Variants in ZFX observed in about 807,000 individuals in gnomAD.
ZFX encodes zinc finger X-chromosomal protein.
For missense variants in ZFX, 362 were observed against 628.3 expected, an observed-to-expected ratio of 0.58 and a Z score of 4.53; for synonymous variants, 196 against 226.8, an observed-to-expected ratio of 0.86 and a Z score of 1.22.
chrX:24,205,621 G>A (rs1371849164), intron 5 of ZFX, among the ~76,000 whole-genome samples: 1 of 112,049 alleles, frequency 8.9e-6, no homozygotes, highest in African/African-American at 3.2e-5. Flanking sequence ...TTGGGAGGCC[G>A]AGGTGGGTGG....
intron 7 of ZFX, 94 bp downstream of exon 7, chrX:24,207,949 A>G: frequency 9.7e-7 from 1 of 1,026,298 alleles, no homozygotes; most frequent in Non-Finnish European, 1.3e-6. Flanking sequence ...TTTAGAGATT[A>G]TTATGCTACT....
At chrX:24,163,786 C>T (rs919043260) in intron 3 of ZFX, among the ~76,000 whole-genome samples, 4 of 98,908 alleles carry the variant, frequency 4.0e-5, no homozygotes, top group African/African-American at 7.7e-5. Flanking sequence ...CTTCCCAAAG[C>T]GCTGGGATTA....
chrX:24,179,585 A>G lies in ZFX; in HGVS notation c.461A>G (p.Glu154Gly), dbSNP rs1935489777. 8.3e-7 allele frequency: 1 copy of G among 1,211,523 alleles called. No homozygotes were observed. The highest frequency in any genetic ancestry group is 1.1e-6 in the Non-Finnish European group (1 of 895,118). Residue 154 changes from glutamate (E) to glycine (G), a missense_variant, in exon 5 of 10, where the codon GAA becomes GGA. By Grantham distance (98) the Glu-to-Gly change is moderately conservative. Coordinates refer to ENST00000304543, the MANE Select transcript of ZFX (RefSeq NM_003410.4). Reference protein sequence around the residue: ...VGHVGHVGHVEHVVHDSVVEA... With the variant: ...VGHVGHVGHVGHVVHDSVVEA... ...CATGTTGGACATGTTGGACATGTTGAACATGTGGTTCATGATAGTGTAGTG... is the reference window on the plus strand; with the variant it reads ...CATGTTGGACATGTTGGACATGTTGGACATGTGGTTCATGATAGTGTAGTG...
chrX:24,170,195 G>A (rs774227301), intron 3 of ZFX, among the ~76,000 whole-genome samples: 2 of 99,636 alleles, frequency 2.0e-5, no homozygotes, highest in South Asian at 4.8e-4. Context: ...TCGCTCTGTT[G>A]CCCAGGCTGG....
chrX:24,193,232 A>G lies in ZFX; in HGVS notation c.646+13462A>G, dbSNP rs937070745. ...TGGATAACTGAAATGTGGTATATCC[A>G]TACAATGGGATATCATTCAGTCATA... On this transcript the variant is annotated intron_variant, in intron 5 of 9. Coordinates refer to ENST00000304543, the MANE Select transcript of ZFX (RefSeq NM_003410.4). Among the ~76,000 whole-genome samples, 30 of 112,570 alleles carry G rather than the reference A, an allele frequency of 2.7e-4. 1 individual carries two copies. Among genetic ancestry groups the G allele is most frequent in the African/African-American group, 9.7e-4 (30 of 30,945 alleles).
Position 24,207,707 on chromosome X carries a change from G to A in ZFX, c.797-5G>A, listed in dbSNP as rs997447449. ...ATTGAAGCTGTCTTCTTCCCTGATT[G>A]ATAGGTGGAACTGTAGACATTGTGG... On this transcript the variant is annotated splice_region_variant and splice_polypyrimidine_tract_variant and intron_variant, in intron 6 of 9. Transcript: ENST00000304543. 10 of 1,205,948 alleles carry A rather than the reference G, an allele frequency of 8.3e-6. No homozygotes were observed. Among genetic ancestry groups the A allele is most frequent in the Non-Finnish European group, 1.1e-5 (10 of 894,074 alleles).
intron 3 of ZFX, chrX:24,161,843 G>T (rs1438814750): frequency 9.3e-6 from 1 of 107,625 alleles, no homozygotes; most frequent in Non-Finnish European, 1.9e-5. Flanking sequence ...GGGATTACAG[G>T]TGTGCGCCCC....
At chrX:24,195,355 A>AT (rs751175753) in intron 5 of ZFX, among the ~76,000 whole-genome samples, 1,823 of 83,892 alleles carry the variant, frequency 0.022, 34 homozygotes, top group Admixed American at 0.059. Context: ...CACCGTGCCA[A>AT]TTTTTTTTTT....
At chrX:24,209,988 A>G (rs751336673) in intron 9 of ZFX, among the ~76,000 whole-genome samples, 2 of 112,202 alleles carry the variant, frequency 1.8e-5, no homozygotes, top group South Asian at 7.4e-4. Context: ...TACAGTCTTC[A>G]TGAAGGAAGT....
chrX:24,159,204 A>G (rs1933001306), intron 3 of ZFX, among the ~76,000 whole-genome samples: 1 of 110,911 alleles, frequency 9.0e-6, no homozygotes, highest in Non-Finnish European at 1.9e-5. Context: ...TGCACAGGCT[A>G]GTCTTGAACT....
At chrX:24,157,453 C>T (rs1224149905) in intron 3 of ZFX, among the ~76,000 whole-genome samples, 1 of 112,240 alleles carries the variant, frequency 8.9e-6, no homozygotes, top group Non-Finnish European at 1.9e-5. Context: ...AGGCAGCAGT[C>T]ATGATGTAGT....
intron 4 of ZFX, among the ~76,000 whole-genome samples, chrX:24,178,872 C>T (rs1265567958): frequency 8.9e-6 from 1 of 111,846 alleles, no homozygotes; most frequent in Non-Finnish European, 1.9e-5. Flanking sequence ...GAAGCCATTG[C>T]ACCTGGCTAT....
chrX:24,176,430 ATTTTTTTTTTTTTT>A (rs56241839), intron 4 of ZFX, among the ~76,000 whole-genome samples: 1 of 66,847 alleles, frequency 1.5e-5, no homozygotes, highest in Non-Finnish European at 2.7e-5. Flanking sequence ...TTGGCCTTTG[ATTTTTTTTTTTTTT>A]TTTTTTTTGA....
rs372624224 is a variant in ZFX at position 24,189,696 on chromosome X, C to A, written c.646+9926C>A. 7.5e-5 allele frequency among the ~76,000 whole-genome samples: 8 copies of A among 106,078 alleles called. No homozygotes were observed. In the East Asian group the frequency reaches 8.9e-4, roughly 12 times the overall value. 92.1% of individuals were successfully genotyped at this position (106,078 alleles called of 115,157 possible). A position where few individuals can be genotyped will look rare whatever the true frequency, so the allele number is the denominator to read the frequency against. ...TTTTACCATTATTTTTATGTATGTA[C>A]CCTACCAGTTTTTTTAAACCAGGGA... On this transcript the variant is annotated intron_variant, in intron 5 of 9. Transcript: ENST00000304543.
intron 4 of ZFX, among the ~76,000 whole-genome samples, chrX:24,178,022 C>G (rs905963723): frequency 9.2e-6 from 1 of 108,914 alleles, no homozygotes; most frequent in African/African-American, 3.3e-5. Context: ...AGCTCTGCCT[C>G]ACGGGTTCAC....
intron 4 of ZFX, among the ~76,000 whole-genome samples, chrX:24,175,073 CTT>C (rs955573432): frequency 8.9e-6 from 1 of 111,966 alleles, no homozygotes; most frequent in Non-Finnish European, 1.9e-5. Flanking sequence ...TTGGGATACT[CTT>C]TTAACTCGTT....
intron 3 of ZFX, among the ~76,000 whole-genome samples, chrX:24,155,257 C>A (rs1303660421): frequency 1.8e-5 from 2 of 111,921 alleles, no homozygotes; most frequent in Admixed American, 1.9e-4. Context: ...ATAGATACGA[C>A]CCACGTAAAA....
chrX:24,213,478 G>GAGTT lies in ZFX; in HGVS notation c.*2104_*2107dup, dbSNP rs1938246378. Reference sequence around the variant, plus strand: ...CTTTGCCATTGATGTTTGTATTCAAGAGTTATATTTTTAGGGTTAGAAATC... The same window carrying GAGTT: ...CTTTGCCATTGATGTTTGTATTCAAGAGTTAGTTATATTTTTAGGGTTAGAAATC... On this transcript the variant is annotated 3_prime_UTR_variant, in exon 10 of 10. Transcript: ENST00000304543. 1.8e-5 allele frequency: 2 copies of GAGTT among 111,108 alleles called. No individual in the cohort carries two copies. Among genetic ancestry groups the GAGTT allele is most frequent in the South Asian group, 7.6e-4 (2 of 2,618 alleles). 9.2% of individuals were successfully genotyped at this position (111,108 alleles called of 1,213,427 possible).
At chrX:24,166,650 T>C (rs969497617) in intron 3 of ZFX, among the ~76,000 whole-genome samples, 10 of 111,760 alleles carry the variant, frequency 8.9e-5, no homozygotes, top group Non-Finnish European at 1.9e-4. Context: ...TATTTACATA[T>C]TTCCATGCTG....
Sources: allele counts gnomAD v4.1 joint callset (sites outside exome capture counted in the v4.1 genomes callset), GRCh38; gene constraint gnomAD v4.1.1; transcripts MANE v1.5; gene names NCBI Gene and HGNC (gene_info 2026-07-23, HGNC 2026-07-21).